Variants in SFMBT1 observed in about 807,000 individuals in gnomAD.
The protein encoded by SFMBT1 is Scm like with four mbt domains 1.
Under a neutral mutation model 108.7 loss-of-function variants are expected in SFMBT1, and 32 were observed. That is an observed-to-expected ratio of 0.29 (90% CI 0.22 to 0.40). The LOEUF is 0.40. SFMBT1 is among the 10% of genes least tolerant of loss of function. The probability of loss-of-function intolerance (pLI) is 1.00; values close to 1 mark genes in which losing one functional copy is unlikely to be tolerated. For synonymous variants in SFMBT1, 348 were observed against 369.5 expected (o/e 0.94, Z 0.67); for missense variants, 816 against 1,059.6 (o/e 0.77, Z 3.19).
chr3:52,966,413 C>G (rs540236395), intron 2 of SFMBT1, among the ~76,000 whole-genome samples: 1 of 151,016 alleles, frequency 6.6e-6, no homozygotes, highest in South Asian at 2.1e-4. Flanking sequence ...ATCACAGGGT[C>G]AGGAGATCGA....
intron 1 of SFMBT1, among the ~76,000 whole-genome samples, chr3:52,985,091 G>T (rs1218018819): frequency 6.6e-6 from 1 of 152,080 alleles, no homozygotes; most frequent in African/African-American, 2.4e-5. Context: ...TCAATTAAAT[G>T]CTTTATTTAT....
chr3:52,969,779 G>T (rs565664922), intron 1 of SFMBT1, among the ~76,000 whole-genome samples: 1 of 152,212 alleles, frequency 6.6e-6, no homozygotes, highest in South Asian at 2.1e-4. Flanking sequence ...TCCAAAATAA[G>T]CTTTGAACCT....
chr3:52,953,322 G>A (rs981216527), intron 3 of SFMBT1, among the ~76,000 whole-genome samples: 21 of 152,002 alleles, frequency 1.4e-4, no homozygotes, highest in African/African-American at 5.1e-4. Context: ...GTGTGGTGGT[G>A]TACACCTGTA....
chr3:52,906,093 T>C lies in SFMBT1; in HGVS notation c.2460+20A>G, dbSNP rs1702058089. ...ATTGCTAAAGAGACATTACTAAAAA[T>C]TATAGGTATCTGTGATTACCTGGTC... On this transcript the variant is annotated intron_variant, in intron 20 of 20. Transcript: ENST00000394752. The C allele has an allele frequency of 6.2e-7, 1 of 1,612,988 alleles. No individual in the cohort carries two copies. The highest frequency in any genetic ancestry group is 1.3e-5 in the African/African-American group (1 of 75,028).
chr3:53,041,406 A>C (rs1386349155), intron 1 of SFMBT1, among the ~76,000 whole-genome samples: 1 of 152,116 alleles, frequency 6.6e-6, no homozygotes, highest in Admixed American at 6.5e-5. Context: ...TTCTATTTTA[A>C]ATCATTTTCC....
chr3:53,009,604 C>T (rs1012243226), intron 1 of SFMBT1, among the ~76,000 whole-genome samples: 4 of 152,130 alleles, frequency 2.6e-5, no homozygotes, highest in Non-Finnish European at 5.9e-5. Context: ...ATTCATTCAA[C>T]AAATATTTAC....
chr3:52,905,657 T>C (rs113318182), intron 20 of SFMBT1, among the ~76,000 whole-genome samples: 2,611 of 152,350 alleles, frequency 0.017, 69 homozygotes, highest in African/African-American at 0.059. Context: ...TTTCCTACTC[T>C]GTAACATTCA....
At chr3:52,972,744 A>AACACAC (rs55859723) in intron 1 of SFMBT1, among the ~76,000 whole-genome samples, 4,402 of 95,096 alleles carry the variant, frequency 0.046, 223 homozygotes, top group African/African-American at 0.059. Context: ...ATCTCTACTA[A>AACACAC]ACACACACAC....
chr3:53,038,413 T>G (rs1319249580), intron 1 of SFMBT1, among the ~76,000 whole-genome samples: 1 of 152,326 alleles, frequency 6.6e-6, no homozygotes, highest in East Asian at 1.9e-4. Flanking sequence ...TTCATGACAT[T>G]TACTGTCTAT....
At position 52,928,326 on chromosome 3, in the gene SFMBT1, A is replaced by G; in HGVS notation, c.913T>C (p.Tyr305His). The change falls in exon 9 of 21, where the codon TAC (tyrosine) becomes CAC (histidine). Residue 305 changes from tyrosine to histidine, a missense_variant. Physicochemically the swap from Tyr to His is moderately conservative, Grantham distance 83. This residue lies in a region of SFMBT1 where 495 missense variants were observed against 607.4 expected (regional missense o/e 0.81). Coordinates refer to ENST00000394752, the MANE Select transcript of SFMBT1 (RefSeq NM_016329.4). ...AAGTCATCCATTTCCACCAGAAAGT[A>G]CTTCTCATCAAAAACCTATACATGC... Reference protein sequence around the residue: ...ATVVKVFDEKYFLVEMDDLRP... With the variant: ...ATVVKVFDEKHFLVEMDDLRP... 1 of 1,613,876 alleles carries G rather than the reference A, an allele frequency of 6.2e-7. No individual in the cohort carries two copies. Among genetic ancestry groups the G allele is most frequent in the Non-Finnish European group, 8.5e-7 (1 of 1,180,004 alleles).
chr3:52,916,943 G>A (rs527606557), intron 13 of SFMBT1, among the ~76,000 whole-genome samples: 186 of 151,942 alleles, frequency 1.2e-3, no homozygotes, highest in Non-Finnish European at 1.6e-3. Context: ...TCGTCCATCA[G>A]TTTTCAAATT....
chr3:52,995,387 A>G (rs1698288138), intron 1 of SFMBT1, among the ~76,000 whole-genome samples: 1 of 150,250 alleles, frequency 6.7e-6, no homozygotes, highest in African/African-American at 2.4e-5. Context: ...GGACTGGCAA[A>G]GAATTTTTAT....
At chr3:52,996,939 G>T (rs1708696834) in intron 1 of SFMBT1, among the ~76,000 whole-genome samples, 1 of 149,564 alleles carries the variant, frequency 6.7e-6, no homozygotes, top group Non-Finnish European at 1.5e-5. Context: ...CGTAGTGGCG[G>T]TCGCCTGCAG....
At chr3:52,956,979 A>G (rs1559526071) in intron 2 of SFMBT1, among the ~76,000 whole-genome samples, 1 of 152,156 alleles carries the variant, frequency 6.6e-6, no homozygotes, top group African/African-American at 2.4e-5. Context: ...CACTGGGGCA[A>G]TCAGGCAAGA....
At chr3:52,985,352 T>C (rs1575419823) in intron 1 of SFMBT1, among the ~76,000 whole-genome samples, 2 of 152,244 alleles carry the variant, frequency 1.3e-5, no homozygotes, top group East Asian at 3.8e-4. Context: ...GAACAAATGC[T>C]TGTTAACCAT....
In SFMBT1 at chr3:52,969,233, G is replaced by C; in HGVS notation, c.-105C>G. The C allele has an allele frequency of 6.4e-7, 1 of 1,555,752 alleles. No individual in the cohort carries two copies. Among genetic ancestry groups the C allele is most frequent in the Non-Finnish European group, 8.6e-7 (1 of 1,156,672 alleles). On this transcript the variant is annotated 5_prime_UTR_variant, in exon 2 of 21. Coordinates refer to ENST00000394752, the MANE Select transcript of SFMBT1 (RefSeq NM_016329.4). ...GCAGGTTTCAAGCATCTGTTCAATG[G>C]GTATCCACGGGTCCAAATGAAAGTG...
At chr3:53,011,996 G>A (rs568442841) in intron 1 of SFMBT1, among the ~76,000 whole-genome samples, 7 of 152,334 alleles carry the variant, frequency 4.6e-5, no homozygotes, top group Non-Finnish European at 7.4e-5. Context: ...CACAAAAAAA[G>A]AGAGGTAGGA....
At chr3:53,001,661 T>C (rs1698551861) in intron 1 of SFMBT1, among the ~76,000 whole-genome samples, 1 of 148,096 alleles carries the variant, frequency 6.8e-6, no homozygotes, top group Admixed American at 6.9e-5. Context: ...TTTAGCACTT[T>C]AGAAGGCCAA....
At chr3:53,025,826 A>C (rs182127996) in intron 1 of SFMBT1, among the ~76,000 whole-genome samples, 1 of 152,038 alleles carries the variant, frequency 6.6e-6, no homozygotes, top group East Asian at 1.9e-4. Flanking sequence ...AACAATCTCT[A>C]CTCATCTTGC....
Sources: allele counts gnomAD v4.1 joint callset (sites outside exome capture counted in the v4.1 genomes callset), GRCh38; gene constraint gnomAD v4.1.1; regional missense constraint gnomAD v4.1.1; transcripts MANE v1.5; gene names NCBI Gene and HGNC (gene_info 2026-07-23, HGNC 2026-07-21).